Variants in MDGA2 observed in about 807,000 individuals in gnomAD.
MDGA2 encodes the protein MAM domain containing glycosylphosphatidylinositol anchor 2, also known as MAM domain-containing glycosylphosphatidylinositol anchor protein 2.
A neutral mutation model predicts 117.8 loss-of-function variants in MDGA2; 40 were observed. The observed-to-expected ratio is 0.34, with a 90% CI of 0.26 to 0.44. MDGA2 has a LOEUF of 0.44. MDGA2 is among the 20% of genes least tolerant of loss of function. The pLI is 1.00. For missense variants in MDGA2, 1,123 were observed against 1,250.6 expected (o/e 0.90, Z 1.54); for synonymous variants, 452 against 439.0 (o/e 1.03, Z -0.37).
chr14:47,489,441 C>G (rs1337417503), intron 1 of MDGA2, among the ~76,000 whole-genome samples: 1 of 151,984 alleles, frequency 6.6e-6, no homozygotes, highest in Admixed American at 6.6e-5. Flanking sequence ...CAGGAATAAA[C>G]AAGATATTTC....
chr14:47,327,087 C>G (rs1412388530), intron 1 of MDGA2, among the ~76,000 whole-genome samples: 1 of 152,170 alleles, frequency 6.6e-6, no homozygotes, highest in Non-Finnish European at 1.5e-5. Flanking sequence ...TCTGCCCAGA[C>G]ATTTAGCTGA....
At chr14:46,909,911 T>C (rs1329699406) in intron 10 of MDGA2, among the ~76,000 whole-genome samples, 1 of 152,134 alleles carries the variant, frequency 6.6e-6, no homozygotes, top group East Asian at 1.9e-4. Context: ...AAGAACCTCA[T>C]GGATATATTA....
At chr14:46,849,688 G>A (rs1192975253) in intron 15 of MDGA2, among the ~76,000 whole-genome samples, 1 of 151,876 alleles carries the variant, frequency 6.6e-6, no homozygotes, top group African/African-American at 2.4e-5. Context: ...CATAGAAGAT[G>A]TGATCTTTAC....
At chr14:47,459,265 T>C (rs1027667081) in intron 1 of MDGA2, among the ~76,000 whole-genome samples, 4 of 152,114 alleles carry the variant, frequency 2.6e-5, no homozygotes, top group African/African-American at 9.7e-5. Context: ...GCATAGGTCC[T>C]GGAGGTTTGG....
At chr14:46,867,930 T>TCTG (rs981359022) in intron 14 of MDGA2, among the ~76,000 whole-genome samples, 2 of 16 alleles carry the variant, frequency 0.12, no homozygotes, top group Non-Finnish European at 0.25. Flanking sequence ...CTTCTGTCTG[T>TCTG]TTTTTTTTTT....
chr14:46,929,753 T>A (rs538819575), intron 9 of MDGA2, among the ~76,000 whole-genome samples: 182 of 147,052 alleles, frequency 1.2e-3, no homozygotes, highest in Non-Finnish European at 2.2e-3. Context: ...CAGATTCAAG[T>A]GATTTTCCTA....
intron 1 of MDGA2, among the ~76,000 whole-genome samples, chr14:47,487,404 C>T (rs773102201): frequency 1.7e-4 from 26 of 152,154 alleles, no homozygotes; most frequent in Non-Finnish European, 3.1e-4. Context: ...CCAAATATTT[C>T]TACACCTTAT....
At chr14:47,358,684 A>T (rs1158586072) in intron 1 of MDGA2, among the ~76,000 whole-genome samples, 1 of 152,230 alleles carries the variant, frequency 6.6e-6, no homozygotes, top group African/African-American at 2.4e-5. Flanking sequence ...TATGCAAAAA[A>T]TAAGTCAAGA....
chr14:47,078,142 A>G (rs1403757079), intron 6 of MDGA2, among the ~76,000 whole-genome samples: 1 of 152,134 alleles, frequency 6.6e-6, no homozygotes, highest in Non-Finnish European at 1.5e-5. Flanking sequence ...ACATCAGACC[A>G]CAATGTCTGA....
At chr14:47,244,769 G>A (rs894019636) in intron 2 of MDGA2, among the ~76,000 whole-genome samples, 9 of 151,696 alleles carry the variant, frequency 5.9e-5, no homozygotes, top group Non-Finnish European at 1.0e-4. Flanking sequence ...GAAAATGTGG[G>A]TTCTGTGTCT....
intron 7 of MDGA2, among the ~76,000 whole-genome samples, chr14:47,055,208 A>C (rs1376399964): frequency 1.3e-5 from 2 of 151,832 alleles, no homozygotes; most frequent in Non-Finnish European, 2.9e-5. Context: ...TGTCTTTTGA[A>C]ATTCTCTTTT....
At position 47,621,504 on chromosome 14, in the gene MDGA2, A is replaced by G. The variant is rs138098030; in HGVS notation, c.280+53013T>C. Among the ~76,000 whole-genome samples the G allele has an allele frequency of 2.6e-3, 391 of 152,202 alleles. 1 individual carries two copies. The highest frequency in any genetic ancestry group is 9.0e-3 in the African/African-American group (372 of 41,522). On this transcript the variant is annotated intron_variant, in intron 1 of 16. Coordinates refer to ENST00000399232, the MANE Select transcript of MDGA2 (RefSeq NM_001113498.3). ...TGTGATTGGCTTCCCACTCCTTAAT[A>G]ATACATTCTTGCCTCTTTTCATGTA...
At chr14:46,857,870 G>A (rs1434134302) in intron 14 of MDGA2, among the ~76,000 whole-genome samples, 1 of 151,950 alleles carries the variant, frequency 6.6e-6, no homozygotes, top group East Asian at 1.9e-4. Context: ...TACTCAGGTA[G>A]ATCTCCAACT....
intron 2 of MDGA2, among the ~76,000 whole-genome samples, chr14:47,233,854 C>A (rs1886772069): frequency 6.7e-6 from 1 of 149,180 alleles, no homozygotes; most frequent in Admixed American, 6.6e-5. Context: ...AGAACTCAAA[C>A]CTTTAAAAGT....
intron 1 of MDGA2, among the ~76,000 whole-genome samples, chr14:47,588,333 C>A (rs1487899252): frequency 6.8e-6 from 1 of 146,692 alleles, no homozygotes; most frequent in Non-Finnish European, 1.5e-5. Context: ...TTTTGAAAAA[C>A]CACTGTTTTC....
chr14:47,523,659 C>T (rs1894914921), intron 1 of MDGA2, among the ~76,000 whole-genome samples: 1 of 152,124 alleles, frequency 6.6e-6, no homozygotes, highest in Non-Finnish European at 1.5e-5. Context: ...TTGCTCTAAT[C>T]CCCAGGTGGG....
At chr14:46,993,916 C>G (rs1887189105) in intron 8 of MDGA2, among the ~76,000 whole-genome samples, 1 of 152,074 alleles carries the variant, frequency 6.6e-6, no homozygotes, top group Non-Finnish European at 1.5e-5. Context: ...ATACGTGATA[C>G]AAGTGTCTTT....
intron 1 of MDGA2, among the ~76,000 whole-genome samples, chr14:47,446,083 G>A (rs762559437): frequency 2.0e-5 from 3 of 151,948 alleles, no homozygotes; most frequent in Non-Finnish European, 4.4e-5. Context: ...ACAAACCCAC[G>A]CCTATGTACA....
intron 3 of MDGA2, among the ~76,000 whole-genome samples, chr14:47,212,437 A>G (rs1885919142): frequency 6.6e-6 from 1 of 152,202 alleles, no homozygotes; most frequent in Non-Finnish European, 1.5e-5. Flanking sequence ...TTAAAAATCA[A>G]ACTATGCAAG....
Sources: gnomAD v4.1 joint callset for allele counts (sites outside exome capture counted in the v4.1 genomes callset) on GRCh38, gnomAD v4.1.1 for gene constraint, MANE v1.5 for transcripts, NCBI Gene and HGNC (gene_info 2026-07-23, HGNC 2026-07-21) for gene names.